AKAP19: variants seen among roughly 807,000 people sequenced by gnomAD.
AKAP19 encodes small A-kinase anchoring protein.
the AKAP19 span, among the ~76,000 whole-genome samples, chr2:189,902,093 C>A: frequency 2.6e-5 from 4 of 151,862 alleles, no homozygotes; most frequent in African/African-American, 4.8e-5. Context: ...ATAATTATTG[C>A]TATGTAATAA....
chr2:190,177,091 G>A, the AKAP19 span, among the ~76,000 whole-genome samples: 2 of 152,008 alleles, frequency 1.3e-5, no homozygotes, highest in African/African-American at 4.8e-5. This position sits in a 1 kb window ranked among gnomAD's most constrained non-coding sequence, Gnocchi z 4.6. Context: ...ATACCTATGT[G>A]CTATTCTATC....
the AKAP19 span, among the ~76,000 whole-genome samples, chr2:190,133,913 C>T: frequency 6.6e-6 from 1 of 152,094 alleles, no homozygotes; most frequent in Non-Finnish European, 1.5e-5. Context: ...CAAGAGATTT[C>T]TTGTACATTA....
the AKAP19 span, among the ~76,000 whole-genome samples, chr2:190,034,747 G>C: frequency 8.6e-5 from 13 of 150,332 alleles, no homozygotes; most frequent in South Asian, 1.1e-3. Flanking sequence ...TCGGCTACTC[G>C]GGAGGCTGAG....
the AKAP19 span, chr2:190,200,935 G>T: frequency 1.6e-3 from 267 of 167,046 alleles, 2 homozygotes; most frequent in Middle Eastern, 0.017. Context: ...CTGCAAGGTA[G>T]AAAGTTTCAG....
At chr2:189,982,869 G>A in the AKAP19 span, among the ~76,000 whole-genome samples, 2 of 152,088 alleles carry the variant, frequency 1.3e-5, no homozygotes, top group Non-Finnish European at 2.9e-5. Context: ...ATGAGCCAAC[G>A]TACTGTTGCC....
the AKAP19 span, among the ~76,000 whole-genome samples, chr2:190,100,239 C>A: frequency 4.0e-5 from 6 of 151,448 alleles, no homozygotes; most frequent in South Asian, 2.1e-4. Context: ...GAAAATATCA[C>A]CTGCAAGAAA....
the AKAP19 span, among the ~76,000 whole-genome samples, chr2:190,020,646 A>C: frequency 1.3e-5 from 2 of 152,170 alleles, no homozygotes; most frequent in African/African-American, 4.8e-5. Context: ...ATTTAGTAGC[A>C]TTAAGTACAT....
chr2:190,191,542 T>C, the AKAP19 span, among the ~76,000 whole-genome samples: 4 of 152,346 alleles, frequency 2.6e-5, no homozygotes, highest in South Asian at 8.3e-4. Context: ...ATTCCAACTT[T>C]GTGAGAAACT....
the AKAP19 span, among the ~76,000 whole-genome samples, chr2:189,980,460 G>A: frequency 2.6e-5 from 4 of 152,024 alleles, no homozygotes; most frequent in Non-Finnish European, 5.9e-5. Context: ...TCAGCCTTCC[G>A]AGTAGCTGGG....
chr2:189,959,835 T>A, the AKAP19 span, among the ~76,000 whole-genome samples: 1 of 152,210 alleles, frequency 6.6e-6, no homozygotes, highest in Non-Finnish European at 1.5e-5. Flanking sequence ...CTTACAGTTT[T>A]TTGAGTAGGT....
At chr2:190,042,493 T>G in the AKAP19 span, among the ~76,000 whole-genome samples, 1 of 152,140 alleles carries the variant, frequency 6.6e-6, no homozygotes, top group Non-Finnish European at 1.5e-5. Flanking sequence ...TTTGAGTGGT[T>G]TTCTGTGTCT....
the AKAP19 span, among the ~76,000 whole-genome samples, chr2:190,005,263 T>G: frequency 6.6e-6 from 1 of 152,212 alleles, no homozygotes; most frequent in African/African-American, 2.4e-5. Flanking sequence ...GGTGGCCAGC[T>G]TTTATTCCCT....
chr2:190,172,749 T>G, the AKAP19 span, among the ~76,000 whole-genome samples: 2 of 152,216 alleles, frequency 1.3e-5, no homozygotes, highest in African/African-American at 4.8e-5. Context: ...AACAGTTACC[T>G]TATTTTTTCC....
At chr2:189,967,206 G>A in the AKAP19 span, among the ~76,000 whole-genome samples, 3 of 152,254 alleles carry the variant, frequency 2.0e-5, no homozygotes, top group Non-Finnish European at 2.9e-5. Flanking sequence ...GGTTTTCACC[G>A]TGGGTGGCAG....
At chr2:190,028,588 G>A in the AKAP19 span, among the ~76,000 whole-genome samples, 151,672 of 152,248 alleles carry the variant, frequency 1, 75,552 homozygotes, top group Non-Finnish European at 1. Context: ...TTTTTTCCTC[G>A]GTCATATTCT....
the AKAP19 span, chr2:189,930,847 T>A: frequency 1.3e-6 from 1 of 759,650 alleles, no homozygotes; most frequent in Non-Finnish European, 2.4e-6. Context: ...TTAGGATAGG[T>A]GTTTGCTAGG....
the AKAP19 span, among the ~76,000 whole-genome samples, chr2:189,944,953 A>G: frequency 1.3e-5 from 2 of 152,208 alleles, no homozygotes; most frequent in Non-Finnish European, 2.9e-5. Context: ...GTTAGAAAGT[A>G]TGAAAACACA....
chr2:189,915,679 T>A, the AKAP19 span, among the ~76,000 whole-genome samples: 243 of 152,236 alleles, frequency 1.6e-3, no homozygotes, highest in African/African-American at 5.8e-3. Flanking sequence ...CTGATGAGAA[T>A]GCTTATAAGA....
chr2:190,040,007 A>G, the AKAP19 span, among the ~76,000 whole-genome samples: 1 of 152,234 alleles, frequency 6.6e-6, no homozygotes, highest in South Asian at 2.1e-4. Flanking sequence ...TCTTTATGGT[A>G]GAATGGTTTA....
Sources: gnomAD v4.1 joint callset for allele counts (sites outside exome capture counted in the v4.1 genomes callset) on GRCh38, gnomAD v4.1.1 for gene constraint, Gnocchi (gnomAD v3.1) non-coding constraint, MANE v1.5 for transcripts, NCBI Gene and HGNC (gene_info 2026-07-23, HGNC 2026-07-21) for gene names.